PRKAG2: variants seen among roughly 807,000 people sequenced by gnomAD.
PRKAG2 encodes protein kinase AMP-activated non-catalytic subunit gamma 2, also known as 5'-AMP-activated protein kinase subunit gamma-2.
PRKAG2 carries 26 observed loss-of-function variants against 69.6 expected under a neutral mutation model. The ratio of observed to expected loss-of-function variants is 0.37; its 90% CI spans 0.27 to 0.52. PRKAG2 has a LOEUF of 0.52. Ranked by LOEUF, PRKAG2 falls within the 20% of genes least tolerant of loss-of-function variation. The pLI is 0.90. For synonymous variants in PRKAG2, 293 were observed against 285.0 expected (o/e 1.03, Z -0.28); for missense variants, 557 against 740.0 (o/e 0.75, Z 2.87).
At chr7:151,809,300 G>T (rs537637463) in intron 1 of PRKAG2, 16 of 456,086 alleles carry the variant, frequency 3.5e-5, no homozygotes, top group Middle Eastern at 6.5e-4. Context: ...ACCCCGAGAC[G>T]GGTGCAGAAT....
At chr7:151,718,456 G>A (rs532275345) in intron 3 of PRKAG2, among the ~76,000 whole-genome samples, 101 of 152,044 alleles carry the variant, frequency 6.6e-4, no homozygotes, top group South Asian at 1.5e-3. Flanking sequence ...TCCACAGCAC[G>A]GCACGAGTCC....
At chr7:151,651,585 C>A (rs1828510425) in intron 4 of PRKAG2, among the ~76,000 whole-genome samples, 1 of 151,762 alleles carries the variant, frequency 6.6e-6, no homozygotes, top group Non-Finnish European at 1.5e-5. Flanking sequence ...CCAGCCTAGG[C>A]AACAGGGCGA....
chr7:151,855,096 C>CACACACCACCA (rs1210545527), intron 1 of PRKAG2, among the ~76,000 whole-genome samples: 1 of 57,092 alleles, frequency 1.8e-5, no homozygotes, highest in Non-Finnish European at 3.2e-5. Flanking sequence ...ACACACCATC[C>CACACACCACCA]TCCACACACA....
At chr7:151,784,742 G>T (rs371071210) in intron 2 of PRKAG2, among the ~76,000 whole-genome samples, 1 of 152,222 alleles carries the variant, frequency 6.6e-6, no homozygotes, top group African/African-American at 2.4e-5. Flanking sequence ...TCCTGAATGG[G>T]GTTCCATTCT....
chr7:151,822,694 C>T (rs2078816167), intron 1 of PRKAG2, among the ~76,000 whole-genome samples: 2 of 152,146 alleles, frequency 1.3e-5, no homozygotes, highest in Admixed American at 6.5e-5. Flanking sequence ...ACAGCGTCTT[C>T]CCAAGCTCTG....
At chr7:151,597,943 C>G (rs1815038072) in intron 5 of PRKAG2, among the ~76,000 whole-genome samples, 1 of 151,800 alleles carries the variant, frequency 6.6e-6, no homozygotes, top group African/African-American at 2.4e-5. Context: ...TATGATCCAG[C>G]AATCCCACTA....
rs942731286 is a variant in PRKAG2, at chr7:151,638,461, C to G, written c.685-6323G>C. 1.3e-5 allele frequency among the ~76,000 whole-genome samples: 2 copies of G among 152,238 alleles called. No individual in the cohort carries two copies. Among genetic ancestry groups the G allele is most frequent in the Middle Eastern group, 3.4e-3 (1 of 294 alleles). ...CATCCTGGCCAACATGGTGAAAACC[C>G]CGTCTCTACTAAAAATACAAAAATT... On this transcript the variant is annotated intron_variant, in intron 4 of 15. Coordinates refer to ENST00000287878, the MANE Select transcript of PRKAG2 (RefSeq NM_016203.4). This position sits in a 1 kb window ranked among gnomAD's most constrained non-coding sequence, Gnocchi z 4.3.
intron 1 of PRKAG2, among the ~76,000 whole-genome samples, chr7:151,857,613 T>A (rs766245818): frequency 6.6e-6 from 1 of 152,186 alleles, no homozygotes; most frequent in Admixed American, 6.5e-5. Context: ...GCCAACGGCC[T>A]CTGCTGTGCA....
intron 5 of PRKAG2, among the ~76,000 whole-genome samples, chr7:151,626,343 T>C (rs539984047): frequency 1.3e-5 from 2 of 152,298 alleles, no homozygotes; most frequent in African/African-American, 4.8e-5. Context: ...ACTTCAGAGA[T>C]ACTGAAATGT....
intron 4 of PRKAG2, among the ~76,000 whole-genome samples, chr7:151,644,839 T>G (rs1445612513): frequency 6.6e-6 from 1 of 152,222 alleles, no homozygotes; most frequent in African/African-American, 2.4e-5. Flanking sequence ...TCATCAATGC[T>G]TGGTATGGTC....
At chr7:151,871,238 T>A (rs13235096) in intron 1 of PRKAG2, among the ~76,000 whole-genome samples, 26,785 of 152,192 alleles carry the variant, frequency 0.18, 2,683 homozygotes, top group East Asian at 0.36. Context: ...GCTACCAAAG[T>A]CTCGGCAGAA....
At chr7:151,606,803 G>C (rs1387453675) in intron 5 of PRKAG2, among the ~76,000 whole-genome samples, 1 of 152,176 alleles carries the variant, frequency 6.6e-6, no homozygotes, top group East Asian at 1.9e-4. Context: ...CTGTGCAACA[G>C]AGCAAGACTC....
At chr7:151,644,384 T>TA (rs1363181031) in intron 4 of PRKAG2, among the ~76,000 whole-genome samples, 5 of 152,374 alleles carry the variant, frequency 3.3e-5, no homozygotes, top group Non-Finnish European at 7.3e-5. Flanking sequence ...ATCTACTTTT[T>TA]ATCACTATGT....
At chr7:151,871,869 G>A (rs548163241) in intron 1 of PRKAG2, among the ~76,000 whole-genome samples, 20 of 152,286 alleles carry the variant, frequency 1.3e-4, no homozygotes, top group African/African-American at 3.6e-4. Context: ...TCCCCAAAAC[G>A]ACTCAATCCA....
chr7:151,571,393 G>A (rs1345325157), intron 9 of PRKAG2, among the ~76,000 whole-genome samples: 1 of 151,918 alleles, frequency 6.6e-6, no homozygotes. Context: ...ATTTTTAGTA[G>A]AGAGAGGGTT....
chr7:151,623,603 T>C (rs970997860), intron 5 of PRKAG2, among the ~76,000 whole-genome samples: 8 of 152,118 alleles, frequency 5.3e-5, no homozygotes, highest in Non-Finnish European at 8.8e-5. Context: ...CTAGTGGATA[T>C]CATGCCCATG....
chr7:151,668,638 T>C (rs965896510), intron 4 of PRKAG2, among the ~76,000 whole-genome samples: 4 of 152,164 alleles, frequency 2.6e-5, no homozygotes, highest in Admixed American at 6.5e-5. Flanking sequence ...AAGCCTGTCT[T>C]GTGTGAGGGC....
At chr7:151,645,043 A>C (rs962659497) in intron 4 of PRKAG2, among the ~76,000 whole-genome samples, 10 of 152,084 alleles carry the variant, frequency 6.6e-5, no homozygotes, top group African/African-American at 1.7e-4. Context: ...AGTTGTATGA[A>C]TATGGCAAGC....
chr7:151,784,122 A>G (rs927929994), intron 2 of PRKAG2, among the ~76,000 whole-genome samples: 1 of 152,008 alleles, frequency 6.6e-6, no homozygotes, highest in African/African-American at 2.4e-5. Flanking sequence ...GTGGACAACG[A>G]CTTGGTTGTC....
Sources: gnomAD v4.1 joint callset for allele counts (sites outside exome capture counted in the v4.1 genomes callset) on GRCh38, gnomAD v4.1.1 for gene constraint, Gnocchi (gnomAD v3.1) non-coding constraint, MANE v1.5 for transcripts, NCBI Gene and HGNC (gene_info 2026-07-23, HGNC 2026-07-21) for gene names.